The following MAS1 variants were observed in gnomAD, a reference collection of about 807,000 sequenced individuals.
MAS1 encodes the protein proto-oncogene Mas.
For missense variants in MAS1, 387 were observed against 409.7 expected (o/e 0.94, Z 0.48); for synonymous variants, 163 against 164.2 (o/e 0.99, Z 0.05).
Position 159,907,266 on chromosome 6 carries a change from C to A in MAS1, c.311C>A (p.Thr104Lys). ...GAGCTTTCTTCTGGCCATTACTACA[C>A]AATTGTCACATTATCAGTGACTTTT... ...DYELSSGHYYTIVTLSVTFLF... is the reference protein window; with the variant it reads ...DYELSSGHYYKIVTLSVTFLF... Residue 104 changes from threonine (T) to lysine (K), a missense_variant, in exon 3 of 3, where the codon ACA (threonine) becomes AAA (lysine). Coordinates refer to ENST00000674077, the MANE Select transcript of MAS1 (RefSeq NM_002377.4). 6.2e-7 allele frequency: 1 copy of A among 1,614,214 alleles called. No homozygotes were observed. Among genetic ancestry groups the A allele is most frequent in the Non-Finnish European group, 8.5e-7 (1 of 1,180,024 alleles).
chr6:159,898,357 G>A (rs984353440), intron 1 of MAS1, among the ~76,000 whole-genome samples: 8 of 152,158 alleles, frequency 5.3e-5, no homozygotes, highest in Middle Eastern at 6.8e-3. Flanking sequence ...AGAGAGCTCC[G>A]GGCTAAGATC....
intron 2 of MAS1, among the ~76,000 whole-genome samples, chr6:159,903,090 C>G (rs1480683958): frequency 3.9e-5 from 6 of 152,134 alleles, no homozygotes; most frequent in Non-Finnish European, 8.8e-5. Flanking sequence ...CTCCAGCCCC[C>G]ACCTCCTCCT....
rs1358184263 is a variant in MAS1, at chr6:159,897,934, C to T, written c.-243-1252C>T. 9.9e-5 allele frequency among the ~76,000 whole-genome samples: 15 copies of T among 152,022 alleles called. No homozygotes were observed. In the East Asian group the frequency reaches 2.5e-3, roughly 25 times the overall value. ...TTGAGATGGAGTCTCACTCTGTTGGCCAGGCTAGAGTGCAGTGGCGCGATC... is the reference window on the plus strand; with the variant it reads ...TTGAGATGGAGTCTCACTCTGTTGGTCAGGCTAGAGTGCAGTGGCGCGATC... On this transcript the variant is annotated intron_variant, in intron 1 of 2. Coordinates refer to ENST00000674077, the MANE Select transcript of MAS1 (RefSeq NM_002377.4).
intron 1 of MAS1, among the ~76,000 whole-genome samples, chr6:159,893,490 A>C (rs764194611): frequency 6.6e-6 from 1 of 152,128 alleles, no homozygotes; most frequent in Admixed American, 6.5e-5. Flanking sequence ...AGACATAGGC[A>C]ACCATTCATA....
chr6:159,897,096 G>A (rs974776824), intron 1 of MAS1, among the ~76,000 whole-genome samples: 4 of 151,978 alleles, frequency 2.6e-5, no homozygotes, highest in Admixed American at 6.6e-5. Flanking sequence ...GGATGGTCTC[G>A]ATCTCCTGAC....
In MAS1 at chr6:159,907,198, C is replaced by T. The variant is rs188594906; in HGVS notation, c.243C>T (p.Leu81=). The change falls in exon 3 of 3, where the codon CTC becomes CTT. Residue 81 remains leucine (L), a synonymous_variant. Transcript: ENST00000674077. ...TGTCTATCGCAGACATCTCACTGCT[C>T]TTCTGTATTTTCATCTTGTCTATCG... is the stretch of plus-strand genomic sequence containing the variant. ...THLSIADISL[L]FCIFILSIDY... 47 of 1,614,210 alleles carry T rather than the reference C, an allele frequency of 2.9e-5. No homozygotes were observed. The Admixed American group carries it at 5.2e-4, about 18-fold the overall frequency.
At position 159,912,378 on chromosome 6, in the gene MAS1, T is replaced by A. The variant is rs1001579682; in HGVS notation, c.*4445T>A. On this transcript the variant is annotated 3_prime_UTR_variant, in exon 3 of 3. Coordinates refer to ENST00000674077, the MANE Select transcript of MAS1 (RefSeq NM_002377.4). ...AATCACTTCTGGAAAGGAAAACACA[T>A]CAAGCCATACATACTTTTTCCTGTG... 1 of 152,214 alleles carries A rather than the reference T, an allele frequency of 6.6e-6. No individual in the cohort carries two copies. Among genetic ancestry groups the A allele is most frequent in the Non-Finnish European group, 1.5e-5 (1 of 68,034 alleles). The allele number at this position is 152,214 out of a possible 1,614,324, so 9.4% of individuals were successfully genotyped here.
intron 1 of MAS1, among the ~76,000 whole-genome samples, chr6:159,893,377 T>C (rs1024186): frequency 6.6e-6 from 1 of 152,002 alleles, no homozygotes; most frequent in South Asian, 2.1e-4. Flanking sequence ...GTGAGGTCTG[T>C]GTCTCAGGGT....
upstream of MAS1, among the ~76,000 whole-genome samples, chr6:159,890,275 A>T (rs1412908093): frequency 6.6e-6 from 1 of 152,224 alleles, no homozygotes; most frequent in African/African-American, 2.4e-5. Flanking sequence ...AACACAAAAA[A>T]TGCAGAACAG....
rs770809893 is a variant in MAS1 at position 159,907,218 on chromosome 6, C to T, written c.263C>T (p.Ser88Phe). 2 of 1,614,232 alleles carry T rather than the reference C, an allele frequency of 1.2e-6. No individual in the cohort carries two copies. Among genetic ancestry groups the T allele is most frequent in the Non-Finnish European group, 1.7e-6 (2 of 1,180,044 alleles). Residue 88 changes from serine (S) to phenylalanine (F), a missense_variant, in exon 3 of 3, where the codon TCT becomes TTT. By Grantham distance (155) the Ser-to-Phe change is radical (BLOSUM62 -2). Coordinates refer to ENST00000674077, the MANE Select transcript of MAS1 (RefSeq NM_002377.4). ...ISLLFCIFIL[S>F]IDYALDYELS... ...CTGCTCTTCTGTATTTTCATCTTGTCTATCGACTATGCTTTAGATTATGAG... is the reference window on the plus strand; with the variant it reads ...CTGCTCTTCTGTATTTTCATCTTGTTTATCGACTATGCTTTAGATTATGAG...
chr6:159,897,886 A>G (rs953736203), intron 1 of MAS1, among the ~76,000 whole-genome samples: 1 of 152,168 alleles, frequency 6.6e-6, no homozygotes, highest in East Asian at 1.9e-4. Flanking sequence ...CTAGAAATTA[A>G]ACAAGTCTTT....
chr6:159,907,879 A>C lies in MAS1; in HGVS notation c.924A>C (p.Gln308His). 6.2e-7 allele frequency: 1 copy of C among 1,610,632 alleles called. No individual in the cohort carries two copies. Among genetic ancestry groups the C allele is most frequent in the African/African-American group, 1.4e-5 (1 of 74,004 alleles). ...VLTRAFKDEM[Q>H]PRRQKDNCNT... Reference sequence around the variant, plus strand: ...CCAGGGCTTTCAAAGATGAAATGCAACCTCGGCGCCAGAAAGACAATTGTA... The same window carrying C: ...CCAGGGCTTTCAAAGATGAAATGCACCCTCGGCGCCAGAAAGACAATTGTA... Residue 308 changes from glutamine to histidine, a missense_variant, in exon 3 of 3, where the codon CAA (glutamine) becomes CAC (histidine). Coordinates refer to ENST00000674077, the MANE Select transcript of MAS1 (RefSeq NM_002377.4).
chr6:159,907,609 G>T lies in MAS1; in HGVS notation c.654G>T (p.Thr218=), dbSNP rs758145350. 1.2e-6 allele frequency: 2 copies of T among 1,613,678 alleles called. No homozygotes were observed. Among genetic ancestry groups the T allele is most frequent in the Admixed American group, 3.3e-5 (2 of 59,942 alleles). Residue 218 remains threonine, a synonymous_variant, in exon 3 of 3, where the codon ACG becomes ACT. Coordinates refer to ENST00000674077, the MANE Select transcript of MAS1 (RefSeq NM_002377.4). ...TGGTCGTGAAGATCCGGAAGAACAC[G>T]TGGGCTTCCCATTCCTCCAAGCTTT... ...TILVVKIRKN[T]WASHSSKLYI... is the part of the protein sequence containing the mutation.
chr6:159,913,907 G>A lies in MAS1; in HGVS notation c.*5974G>A, dbSNP rs1782992768. ...CTAAAACCAGTCATTCATGGATAAGGAGATCCTCTTACACTAATTATTTAA... is the reference window on the plus strand; with the variant it reads ...CTAAAACCAGTCATTCATGGATAAGAAGATCCTCTTACACTAATTATTTAA... On this transcript the variant is annotated 3_prime_UTR_variant, in exon 3 of 3. Coordinates refer to ENST00000674077, the MANE Select transcript of MAS1 (RefSeq NM_002377.4). 6.6e-6 allele frequency: 1 copy of A among 152,082 alleles called. No homozygotes were observed. The highest frequency in any genetic ancestry group is 1.5e-5 in the Non-Finnish European group (1 of 68,012). 9.4% of individuals were successfully genotyped at this position (152,082 alleles called of 1,614,324 possible).
chr6:159,896,751 G>C (rs1268004123), intron 1 of MAS1, among the ~76,000 whole-genome samples: 1 of 152,194 alleles, frequency 6.6e-6, no homozygotes, highest in Non-Finnish European at 1.5e-5. Flanking sequence ...TATCAAGACG[G>C]GGGAATTGCA....
chr6:159,897,609 C>G (rs1052654758), intron 1 of MAS1, among the ~76,000 whole-genome samples: 5 of 152,180 alleles, frequency 3.3e-5, no homozygotes, highest in Non-Finnish European at 1.5e-5. Context: ...AAACTATAAA[C>G]TAAGTTTCTC....
rs1218755801 is a variant in MAS1, at chr6:159,912,256, G to A, written c.*4323G>A. ...CATGGAGTTGTTTAAGGAGCACTTA[G>A]AAGATGCTTTACGGGCATCCCTAGA... On this transcript the variant is annotated 3_prime_UTR_variant, in exon 3 of 3. Coordinates refer to ENST00000674077, the MANE Select transcript of MAS1 (RefSeq NM_002377.4). The A allele has an allele frequency of 2.0e-5, 3 of 152,244 alleles. No individual in the cohort carries two copies. Among genetic ancestry groups the A allele is most frequent in the Non-Finnish European group, 2.9e-5 (2 of 68,044 alleles). The allele number at this position is 152,244 out of a possible 1,614,324, so 9.4% of individuals were successfully genotyped here. A position where few individuals can be genotyped will look rare whatever the true frequency, so the allele number is the denominator to read the frequency against.
chr6:159,901,853 T>TA (rs35452379), intron 2 of MAS1, among the ~76,000 whole-genome samples: 17,045 of 137,668 alleles, frequency 0.12, 1,124 homozygotes, highest in African/African-American at 0.2. Flanking sequence ...ACCCTATCTC[T>TA]AAAAAAAAAA....
At chr6:159,904,734 G>A (rs1782864554) in intron 2 of MAS1, among the ~76,000 whole-genome samples, 1 of 152,248 alleles carries the variant, frequency 6.6e-6, no homozygotes, top group African/African-American at 2.4e-5. Context: ...TCTCACTGGG[G>A]GTAAAAGCAC....
Sources: gnomAD v4.1 joint callset for allele counts (sites outside exome capture counted in the v4.1 genomes callset) on GRCh38, gnomAD v4.1.1 for gene constraint, MANE v1.5 for transcripts, NCBI Gene and HGNC (gene_info 2026-07-23, HGNC 2026-07-21) for gene names.